UBR4: variants seen among roughly 807,000 people sequenced by gnomAD.
UBR4 encodes the protein E3 ubiquitin-protein ligase UBR4.
UBR4 carries 124 observed loss-of-function variants against 575.6 expected under a neutral mutation model. The observed-to-expected ratio is 0.22, with a 90% confidence interval of 0.19 to 0.25. UBR4 has a LOEUF of 0.25. Among genes scored for constraint, UBR4 ranks in the 10% least tolerant of loss-of-function variants. The pLI is 1.00. For synonymous variants in UBR4, 2,455 were observed against 2,473.7 expected (o/e 0.99, Z 0.22); for missense variants, 4,818 against 6,478.8 (o/e 0.74, Z 8.80).
chr1:19,112,509 G>T lies in UBR4; in HGVS notation c.11801+15C>A. ...TAGGAACCACTAGGCCCATAACCAT[G>T]GTGTAGGTACTGACCGAGTTAGGAG... On this transcript the variant is annotated intron_variant, in intron 78 of 105. Coordinates refer to ENST00000375254, the MANE Select transcript of UBR4 (RefSeq NM_020765.3). 6.3e-7 allele frequency: 1 copy of T among 1,591,670 alleles called. No homozygotes were observed. Among genetic ancestry groups the T allele is most frequent in the South Asian group, 1.1e-5 (1 of 87,220 alleles).
chr1:19,123,104 GTATC>G, intron 65 of UBR4, 44 bp from the exon 66 acceptor site: 4 of 1,592,034 alleles, frequency 2.5e-6, no homozygotes, highest in Non-Finnish European at 3.4e-6. Context: ...CTCTGGGACT[GTATC>G]TATATCAACT....
At chr1:19,173,663 G>A (rs2089887865) in intron 22 of UBR4, 42 bp from the exon 23 acceptor site, 1 of 1,587,678 alleles carries the variant, frequency 6.3e-7, no homozygotes, top group Non-Finnish European at 8.6e-7. Context: ...ACTTGGTATG[G>A]CCTCAAGATC....
At chr1:19,075,711 C>T (rs575278033) in intron 105 of UBR4, among the ~76,000 whole-genome samples, 1 of 152,352 alleles carries the variant, frequency 6.6e-6, no homozygotes, top group East Asian at 1.9e-4. Context: ...GAAAATCGGT[C>T]AGCTGGCTCT....
chr1:19,144,177 A>C, intron 54 of UBR4, 86 bp from the exon 55 acceptor site: 1 of 1,243,970 alleles, frequency 8.0e-7, no homozygotes, highest in Non-Finnish European at 1.2e-6. Context: ...TTGGTCACTC[A>C]CTCACATGCA....
At position 19,093,717 on chromosome 1, in the gene UBR4, C is replaced by T. The variant is rs1009909734; in HGVS notation, c.13938-231G>A. On this transcript the variant is annotated intron_variant, in intron 95 of 105. Transcript: ENST00000375254. The surrounding 1 kb of genome is among the most constrained non-coding windows in gnomAD (Gnocchi z 4.8). ...CATTTGCGCACACGTGGCTCCATCT[C>T]GTCATATTCCTCCCATCTCACCAAC... is the stretch of plus-strand genomic sequence containing the variant. Among the ~76,000 whole-genome samples, 1 of 152,192 alleles carries T rather than the reference C, an allele frequency of 6.6e-6. No individual in the cohort carries two copies. The highest frequency in any genetic ancestry group is 2.4e-5 in the African/African-American group (1 of 41,448).
rs998477926 is a variant in UBR4 at position 19,118,640 on chromosome 1, T to C, written c.10541+232A>G. On this transcript the variant is annotated intron_variant, in intron 71 of 105. Transcript: ENST00000375254. ...AAGTCTCACTATGTTGCCCAGGCTA[T>C]ACAGACCTTTCTACATTACTACTCA... The C allele has an allele frequency of 4.5e-5, 25 of 551,460 alleles. No individual in the cohort carries two copies. In the East Asian group the frequency reaches 5.3e-4, roughly 12 times the overall value. The allele number at this position is 551,460 out of a possible 1,614,324, so 34.2% of individuals were successfully genotyped here.
chr1:19,115,608 A>G lies in UBR4; in HGVS notation c.10853T>C (p.Val3618Ala), dbSNP rs1421035524. Reference sequence around the variant, plus strand: ...CTCTGTCTGTCCAGGGGTCAGCTGAACCTTCTTGGCTTTGTGCCAGCGAGC... The same window carrying G: ...CTCTGTCTGTCCAGGGGTCAGCTGAGCCTTCTTGGCTTTGTGCCAGCGAGC... ...KPARWHKAKKVQLTPGQTEVK... is the reference protein window; with the variant it reads ...KPARWHKAKKAQLTPGQTEVK... The change falls in exon 74 of 106, where the codon GTT (valine) becomes GCT (alanine). Residue 3618 changes from valine (V) to alanine (A), a missense_variant. This residue lies in a region of UBR4 where 550 missense variants were observed against 791.5 expected (regional missense o/e 0.69). Transcript: ENST00000375254. 1.2e-6 allele frequency: 2 copies of G among 1,614,068 alleles called. No homozygotes were observed. Among genetic ancestry groups the G allele is most frequent in the Non-Finnish European group, 1.7e-6 (2 of 1,180,008 alleles).
At chr1:19,095,735 A>G in intron 92 of UBR4, 83 bp from the exon 93 acceptor site, 2 of 1,290,282 alleles carry the variant, frequency 1.6e-6, no homozygotes, top group Non-Finnish European at 2.2e-6. Context: ...ATGTCTAAGC[A>G]GGGTCTACAC....
chr1:19,191,631 C>G (rs950415855), intron 11 of UBR4, among the ~76,000 whole-genome samples: 2 of 152,162 alleles, frequency 1.3e-5, no homozygotes, highest in Non-Finnish European at 2.9e-5. Flanking sequence ...GCAAGGACAT[C>G]ACTTTGTTTA....
Position 19,148,562 on chromosome 1 carries a change from C to T in UBR4, c.7494+1G>A. ...CCATGTGCTTTGAAAAAGTGACTTG[C>T]CTTCTCGATGATTGGGCCAACGGCA... On this transcript the variant is annotated splice_donor_variant, in intron 50 of 105. Coordinates refer to ENST00000375254, the MANE Select transcript of UBR4 (RefSeq NM_020765.3). LOFTEE classifies it high-confidence loss of function. 6.2e-7 allele frequency: 1 copy of T among 1,614,210 alleles called. No individual in the cohort carries two copies. Among genetic ancestry groups the T allele is most frequent in the Non-Finnish European group, 8.5e-7 (1 of 1,180,028 alleles).
intron 6 of UBR4, 61 bp from the exon 7 acceptor site, chr1:19,197,872 C>T (rs143294337): frequency 6.2e-7 from 1 of 1,612,282 alleles, no homozygotes; most frequent in Non-Finnish European, 8.5e-7. Context: ...GATTCTTATC[C>T]ATATGACAGA....
chr1:19,201,325 T>C (rs1394349413), intron 2 of UBR4, among the ~76,000 whole-genome samples: 2 of 152,096 alleles, frequency 1.3e-5, no homozygotes, highest in Non-Finnish European at 2.9e-5. Context: ...ATCCACATCC[T>C]CACCAAAACC....
rs376166251 is a variant in UBR4, at chr1:19,115,553, C to T, written c.10908G>A (p.Val3636=). 9 of 1,614,078 alleles carry T rather than the reference C, an allele frequency of 5.6e-6. No individual in the cohort carries two copies. The African/African-American group carries it at 1.2e-4, about 22-fold the overall frequency. Residue 3636 remains valine, a synonymous_variant, in exon 74 of 106, where the codon GTG becomes GTA. Transcript: ENST00000375254. ...EVKIDLPLPI[V]ASNLMIEFAD... ...CAAACTCAATCATCAGATTGGAGGC[C>T]ACAATGGGCAACGGCAGGTCAATCT...
intron 82 of UBR4, 37 bp from the exon 83 acceptor site, chr1:19,106,763 A>C (rs2079248175): frequency 1.3e-6 from 2 of 1,599,880 alleles, no homozygotes; most frequent in East Asian, 2.2e-5. Flanking sequence ...GTAGGTAAGT[A>C]AATGAGAGTG....
intron 58 of UBR4, 119 bp downstream of exon 58, chr1:19,140,669 A>G (rs2083790097): frequency 1.9e-6 from 2 of 1,046,678 alleles, no homozygotes; most frequent in Non-Finnish European, 2.8e-6. Context: ...AAGCCAAGGC[A>G]GAAGCAGGAA....
intron 73 of UBR4, among the ~76,000 whole-genome samples, chr1:19,115,904 TA>T (rs1190127951): frequency 6.6e-6 from 1 of 152,156 alleles, no homozygotes; most frequent in Non-Finnish European, 1.5e-5. Context: ...CAGAAGTATA[TA>T]ACAAGGGAAA....
In UBR4 at chr1:19,112,556, C is replaced by G; in HGVS notation, c.11769G>C (p.Glu3923Asp). 6.2e-7 allele frequency: 1 copy of G among 1,613,644 alleles called. No individual in the cohort carries two copies. Among genetic ancestry groups the G allele is most frequent in the African/African-American group, 1.3e-5 (1 of 75,070 alleles). Residue 3923 changes from glutamate (E) to aspartate (D), a missense_variant, in exon 78 of 106, where the codon GAG becomes GAC. Glu to Asp is a conservative substitution (Grantham distance 45). Around this residue, in one of 29 missense-constraint regions of UBR4, gnomAD observed 333 missense variants for 459.2 expected, o/e 0.73. Transcript: ENST00000375254. ...NLRRGAAAMR[E>D]EVRQLMCLLT... is the part of the protein sequence containing the mutation. ...GGAGGCACATGAGCTGGCGGACCTC[C>G]TCCCGCATGGCCGCAGCCCCTCGGC...
chr1:19,207,403 C>G (rs545065281), intron 1 of UBR4, among the ~76,000 whole-genome samples: 450 of 152,290 alleles, frequency 3.0e-3, no homozygotes, highest in African/African-American at 9.7e-3. Context: ...CCAAGGCGGG[C>G]GGATCACCTG....
chr1:19,074,695 C>T lies in UBR4; in HGVS notation c.*137G>A. 1.9e-6 allele frequency: 2 copies of T among 1,031,172 alleles called. No homozygotes were observed. The highest frequency in any genetic ancestry group is 2.8e-5 in the South Asian group (2 of 70,256). The allele number at this position is 1,031,172 out of a possible 1,614,324, so 63.9% of individuals were successfully genotyped here. A position where few individuals can be genotyped will look rare whatever the true frequency, so the allele number is the denominator to read the frequency against. On this transcript the variant is annotated 3_prime_UTR_variant, in exon 106 of 106. Coordinates refer to ENST00000375254, the MANE Select transcript of UBR4 (RefSeq NM_020765.3). ...CAGGAAGCCTAAAAACCCCAAGCCA[C>T]ACCAAGAAAAATGAGAGAGGGGAGG...
Sources: allele counts gnomAD v4.1 joint callset (sites outside exome capture counted in the v4.1 genomes callset), GRCh38; gene constraint gnomAD v4.1.1; regional missense constraint gnomAD v4.1.1; non-coding constraint Gnocchi (gnomAD v3.1); transcripts MANE v1.5; gene names NCBI Gene and HGNC (gene_info 2026-07-23, HGNC 2026-07-21).